LRRC7: variants seen among roughly 807,000 people sequenced by gnomAD.
LRRC7 encodes leucine rich repeat containing 7.
A neutral mutation model predicts 175.7 loss-of-function variants in LRRC7; 23 were observed. The ratio of observed to expected loss-of-function variants is 0.13; its 90% CI spans 0.09 to 0.19. LRRC7 has a LOEUF of 0.19. Ranked by LOEUF, LRRC7 falls within the 10% of genes least tolerant of loss-of-function variation. LRRC7 has a pLI of 1.00. For synonymous variants in LRRC7, 685 were observed against 680.9 expected, an observed-to-expected ratio of 1.01 and a Z score of -0.09; for missense variants, 1,354 against 1,904.7, an observed-to-expected ratio of 0.71 and a Z score of 5.38.
At chr1:69,930,755 C>T (rs572502324) in intron 7 of LRRC7, among the ~76,000 whole-genome samples, 4 of 152,120 alleles carry the variant, frequency 2.6e-5, no homozygotes, top group Admixed American at 6.5e-5. Flanking sequence ...AAATCATGGC[C>T]GAAGGGGAAG....
At position 70,028,302 on chromosome 1, in the gene LRRC7, C is replaced by G; in HGVS notation, c.1926C>G (p.Asn642Lys). 6.2e-7 allele frequency: 1 copy of G among 1,613,736 alleles called. No homozygotes were observed. The highest frequency in any genetic ancestry group is 1.3e-5 in the African/African-American group (1 of 75,022). The change falls in exon 18 of 27, where the codon AAC becomes AAG. Residue 642 changes from asparagine to lysine, a missense_variant. By Grantham distance (94) the Asn-to-Lys change is moderately conservative. Around this residue, in one of 4 missense-constraint regions of LRRC7, gnomAD observed 1,032 missense variants for 1,227.2 expected, o/e 0.84. Transcript: ENST00000651989. ...TTGAGAATTCAAATCCAACTGCTAA[C>G]ACGGAGCAAACTGTGAAAGAAAAAT... is the stretch of plus-strand genomic sequence containing the variant. Reference protein sequence around the residue: ...VRVENSNPTANTEQTVKEKYE... With the variant: ...VRVENSNPTAKTEQTVKEKYE...
intron 7 of LRRC7, among the ~76,000 whole-genome samples, chr1:69,917,609 T>A (rs1027549939): frequency 2.0e-5 from 3 of 152,158 alleles, no homozygotes; most frequent in African/African-American, 7.2e-5. Context: ...TAGTGGGTAC[T>A]TTGGATGCTG....
At chr1:69,604,198 A>G (rs557641696) in intron 1 of LRRC7, among the ~76,000 whole-genome samples, 1 of 152,146 alleles carries the variant, frequency 6.6e-6, no homozygotes, top group Non-Finnish European at 1.5e-5. Context: ...TCAAATTCAA[A>G]ATCTAAAACT....
intron 7 of LRRC7, among the ~76,000 whole-genome samples, chr1:69,864,307 A>G (rs1644579501): frequency 1.3e-5 from 2 of 152,244 alleles, no homozygotes; most frequent in African/African-American, 4.8e-5. Context: ...TGCCTAGAGC[A>G]GTAGCAAGTA....
chr1:69,970,707 A>C (rs764607212), intron 8 of LRRC7, among the ~76,000 whole-genome samples: 1 of 152,188 alleles, frequency 6.6e-6, no homozygotes, highest in Non-Finnish European at 1.5e-5. Flanking sequence ...CATTCAAAGA[A>C]GAATTGATGT....
intron 1 of LRRC7, among the ~76,000 whole-genome samples, chr1:69,575,742 A>AATT (rs1390533396): frequency 6.6e-6 from 1 of 152,166 alleles, no homozygotes; most frequent in Admixed American, 6.5e-5. Flanking sequence ...TAAATAAATA[A>AATT]ATTATCTTCT....
intron 10 of LRRC7, among the ~76,000 whole-genome samples, chr1:69,991,966 G>T (rs886161546): frequency 6.6e-6 from 1 of 151,730 alleles, no homozygotes. Flanking sequence ...AAAAGAAAAA[G>T]AAATATTTTT....
intron 4 of LRRC7, among the ~76,000 whole-genome samples, chr1:69,806,073 A>T (rs1434883168): frequency 1.3e-5 from 2 of 151,908 alleles, no homozygotes; most frequent in African/African-American, 2.4e-5. Flanking sequence ...CTTCCTCTAC[A>T]ATGCCATGCT....
chr1:70,079,440 G>T lies in LRRC7; in HGVS notation c.4452+3142G>T, dbSNP rs538389905. 3.9e-5 allele frequency among the ~76,000 whole-genome samples: 6 copies of T among 152,236 alleles called. No individual in the cohort carries two copies. In the South Asian group the frequency reaches 1.2e-3, roughly 32 times the overall value. ...AATTATTCAACATTTTTAAGAGCAA[G>T]GAGACACAGTAAACGTGGTACAAAG... On this transcript the variant is annotated intron_variant, in intron 24 of 26. Transcript: ENST00000651989.
intron 2 of LRRC7, among the ~76,000 whole-genome samples, chr1:69,687,078 G>A (rs1212788385): frequency 6.6e-6 from 1 of 152,072 alleles, no homozygotes; most frequent in South Asian, 2.1e-4. Flanking sequence ...TTACAAATAT[G>A]TATTTTCTTA....
chr1:70,024,305 A>G (rs1225034549), intron 17 of LRRC7, among the ~76,000 whole-genome samples: 1 of 150,814 alleles, frequency 6.6e-6, no homozygotes, highest in African/African-American at 2.4e-5. Flanking sequence ...TACATAATAT[A>G]TTATAATATA....
chr1:69,717,301 T>C lies in LRRC7; in HGVS notation c.100+38823T>C, dbSNP rs536687238. On this transcript the variant is annotated intron_variant, in intron 2 of 26. Transcript: ENST00000651989. ...AAATTGTGTTTCAATTGCTTAGCAG[T>C]ACAGATTCAAAAAAAATTATATAAA... Among the ~76,000 whole-genome samples, 25 of 151,786 alleles carry C rather than the reference T, an allele frequency of 1.6e-4. No individual in the cohort carries two copies. In the South Asian group the frequency reaches 4.8e-3, roughly 29 times the overall value.
At chr1:70,113,113 A>G (rs138454531) in intron 26 of LRRC7, among the ~76,000 whole-genome samples, 11 of 152,286 alleles carry the variant, frequency 7.2e-5, no homozygotes, top group Middle Eastern at 3.4e-3. Flanking sequence ...GACTCCACAA[A>G]GAGAAGTCTA....
At chr1:69,859,280 AG>A (rs1318943797) in intron 7 of LRRC7, among the ~76,000 whole-genome samples, 1 of 152,136 alleles carries the variant, frequency 6.6e-6, no homozygotes, top group Non-Finnish European at 1.5e-5. Context: ...TTTTTCAGCA[AG>A]TAGAATGAAG....
At chr1:69,881,275 A>G (rs12758679) in intron 7 of LRRC7, among the ~76,000 whole-genome samples, 55,299 of 152,104 alleles carry the variant, frequency 0.36, 12,311 homozygotes, top group East Asian at 0.55. Flanking sequence ...CAGAAGTACT[A>G]TTATATGCAA....
chr1:69,571,428 C>T (rs1397107543), intron 1 of LRRC7, among the ~76,000 whole-genome samples: 2 of 152,076 alleles, frequency 1.3e-5, no homozygotes, highest in East Asian at 1.9e-4. Context: ...TGTGCATCTG[C>T]ATTTTTGTTT....
intron 7 of LRRC7, among the ~76,000 whole-genome samples, chr1:69,892,750 A>T (rs1489192829): frequency 3.3e-5 from 5 of 152,164 alleles, no homozygotes; most frequent in Non-Finnish European, 5.9e-5. Context: ...CCTGTTACAC[A>T]TGAGAAAATT....
chr1:69,812,212 A>G lies in LRRC7; in HGVS notation c.422-13536A>G, dbSNP rs146901149. ...AGTACGTATGGAACAAATGTTATAA[A>G]TGCTGCATCGCCAGTCTTGTGTAGC... On this transcript the variant is annotated intron_variant, in intron 4 of 26. Transcript: ENST00000651989. Among the ~76,000 whole-genome samples the G allele has an allele frequency of 1.3e-3, 192 of 152,262 alleles. 1 individual carries two copies. The highest frequency in any genetic ancestry group is 3.5e-4 in the Non-Finnish European group (24 of 68,016).
At chr1:69,675,046 G>A (rs1215492507) in intron 1 of LRRC7, among the ~76,000 whole-genome samples, 1 of 152,150 alleles carries the variant, frequency 6.6e-6, no homozygotes, top group Non-Finnish European at 1.5e-5. Context: ...AAGGCACAAA[G>A]TATGTGAGTA....
Sources: allele counts gnomAD v4.1 joint callset (sites outside exome capture counted in the v4.1 genomes callset), GRCh38; gene constraint gnomAD v4.1.1; regional missense constraint gnomAD v4.1.1; transcripts MANE v1.5; gene names NCBI Gene and HGNC (gene_info 2026-07-23, HGNC 2026-07-21).